The following RDH16 variants were observed in gnomAD, a reference collection of about 807,000 sequenced individuals.
RDH16 encodes human epidermal retinol dehydrogenase.
In RDH16, 25 loss-of-function variants were observed where a neutral mutation model predicts 22.3. The ratio of observed to expected loss-of-function variants is 1.12; its 90% CI spans 0.82 to 1.56. The LOEUF (loss-of-function observed/expected upper bound fraction) is 1.56, where lower values mean the gene tolerates loss of function less well. Among genes scored for constraint, RDH16 ranks in the 40% most tolerant of loss-of-function variants. The pLI, the probability that RDH16 is intolerant of heterozygous loss-of-function variation, is 0.00. For synonymous variants in RDH16, 154 were observed against 164.4 expected (o/e 0.94, Z 0.48); for missense variants, 413 against 394.9 (o/e 1.05, Z -0.39).
chr12:56,952,917 T>C lies in RDH16; in HGVS notation c.646A>G (p.Lys216Glu), dbSNP rs1955896224. Residue 216 changes from lysine (K) to glutamate (E), a missense_variant, in exon 3 of 4, where the codon AAG becomes GAG. By Grantham distance (56) the Lys-to-Glu change is moderately conservative. Transcript: ENST00000398138. ...PGYFKTAVTS[K>E]ERFLKSFLEI... is the part of the protein sequence containing the mutation. ...AGGAAGCTCTTTAAGAATCTCTCCT[T>C]ACTGGTCACAGCAGTCTTGAAATAG... 6.2e-7 allele frequency: 1 copy of C among 1,613,970 alleles called. No homozygotes were observed. The highest frequency in any genetic ancestry group is 1.3e-5 in the African/African-American group (1 of 74,892).
rs370972040 is a variant in RDH16, at chr12:56,957,557, T to C, written c.-95A>G. On this transcript the variant is annotated 5_prime_UTR_variant, in exon 1 of 4. Coordinates refer to ENST00000398138, the MANE Select transcript of RDH16 (RefSeq NM_003708.5). ...GATTTAAGAACACAGAGGGCTGTGG[T>C]AGGCAGGGAAGCCCTCAGGCATTTT... 4.3e-5 allele frequency: 60 copies of C among 1,398,488 alleles called. No homozygotes were observed. In the East Asian group the frequency reaches 1.1e-3, roughly 25 times the overall value. The allele number at this position is 1,398,488 out of a possible 1,614,324, so 86.6% of individuals were successfully genotyped here. A position where few individuals can be genotyped will look rare whatever the true frequency, so the allele number is the denominator to read the frequency against.
intron 1 of RDH16, among the ~76,000 whole-genome samples, chr12:56,956,148 G>A (rs1454529580): frequency 6.6e-6 from 1 of 152,062 alleles, no homozygotes; most frequent in Non-Finnish European, 1.5e-5. Context: ...CCTCCACCCA[G>A]ACATCTCATT....
At chr12:56,952,315 G>T in intron 3 of RDH16, 69 bp from the exon 4 acceptor site, 1 of 1,451,084 alleles carries the variant, frequency 6.9e-7, no homozygotes, top group Non-Finnish European at 9.4e-7. Flanking sequence ...ATTCAACTTA[G>T]AGTGGAAAGG....
In RDH16 at chr12:56,957,235, C is replaced by G. The variant is rs753847694; in HGVS notation, c.228G>C (p.Arg76Ser). ...AEQLRGQTSD[R>S]LETVTLDVTK... ...TAACATCCAGGGTCACCGTCTCCAGCCTGTCTGAAGTCTGGCCCCTCAGCT... is the reference window on the plus strand; with the variant it reads ...TAACATCCAGGGTCACCGTCTCCAGGCTGTCTGAAGTCTGGCCCCTCAGCT... Residue 76 changes from arginine to serine, a missense_variant, in exon 1 of 4, where the codon AGG (arginine) becomes AGC (serine). Physicochemically the swap from Arg to Ser is moderately radical, Grantham distance 110. Transcript: ENST00000398138. 9 of 1,614,194 alleles carry G rather than the reference C, an allele frequency of 5.6e-6. 1 individual carries two copies. The South Asian group carries it at 8.8e-5, about 16-fold the overall frequency.
rs1217866113 is a variant in RDH16, at chr12:56,955,139, A to T, written c.339T>A (p.Ala113=). The T allele has an allele frequency of 6.2e-7, 1 of 1,614,110 alleles. No individual in the cohort carries two copies. Among genetic ancestry groups the T allele is most frequent in the Admixed American group, 1.7e-5 (1 of 60,016 alleles). The part of the protein sequence containing the change: ...DKGLWGLVNN[A]GISLPTAPNE... The stretch of plus-strand genomic sequence containing the variant: ...TGGGAGCCGTGGGCAAGGAGATGCC[A>T]GCATTATTCACCAGGCCCCAGAGTC... Residue 113 remains alanine (A), a synonymous_variant, in exon 2 of 4, where the codon GCT becomes GCA. Transcript: ENST00000398138.
Position 56,952,189 on chromosome 12 carries a change from G to T in RDH16, c.794C>A (p.Thr265Asn). 6.2e-7 allele frequency: 1 copy of T among 1,614,158 alleles called. No individual in the cohort carries two copies. Among genetic ancestry groups the T allele is most frequent in the Non-Finnish European group, 8.5e-7 (1 of 1,180,026 alleles). The change falls in exon 4 of 4, where the codon ACC becomes AAC. Residue 265 changes from threonine to asparagine, a missense_variant. Coordinates refer to ENST00000398138, the MANE Select transcript of RDH16 (RefSeq NM_003708.5). ...QKCTQDLSLV[T>N]NCMEHALIAC... ...AATCAGCGCATGCTCCATGCAGTTG[G>T]TCACCAACGACAGATCCTGTGTGCA...
intron 3 of RDH16, 22 bp from the exon 4 acceptor site, chr12:56,952,268 C>G (rs964988022): frequency 1.9e-6 from 3 of 1,607,976 alleles, no homozygotes; most frequent in Non-Finnish European, 2.6e-6. Flanking sequence ...CAGAAACAAT[C>G]CATGTATATT....
chr12:56,955,208 G>A (rs941857914), intron 1 of RDH16, 44 bp from the exon 2 acceptor site: 2 of 1,608,622 alleles, frequency 1.2e-6, no homozygotes, highest in African/African-American at 1.3e-5. Flanking sequence ...TGTTGTGCCT[G>A]TGCAGGTGGA....
chr12:56,956,990 G>C (rs1312725861), intron 1 of RDH16, among the ~76,000 whole-genome samples, 160 bp downstream of exon 1: 1 of 152,176 alleles, frequency 6.6e-6, no homozygotes, highest in African/African-American at 2.4e-5. Context: ...GGATTGAAAA[G>C]AGATGGGGTT....
intron 1 of RDH16, among the ~76,000 whole-genome samples, chr12:56,955,999 C>T (rs1955925213): frequency 6.6e-6 from 1 of 152,060 alleles, no homozygotes; most frequent in Admixed American, 6.6e-5. Context: ...GTTTTCAACC[C>T]ACAGAGCTAG....
chr12:56,956,463 A>G (rs1955929664), intron 1 of RDH16, among the ~76,000 whole-genome samples: 1 of 152,202 alleles, frequency 6.6e-6, no homozygotes, highest in African/African-American at 2.4e-5. Context: ...GTGGATGACA[A>G]TTTCAGGGAA....
chr12:56,953,162 C>T (rs913301641), intron 2 of RDH16, among the ~76,000 whole-genome samples, 172 bp from the exon 3 acceptor site: 1 of 152,110 alleles, frequency 6.6e-6, no homozygotes, highest in Admixed American at 6.5e-5. Context: ...GGTGGCATTC[C>T]CTCTGTATGG....
In RDH16 at chr12:56,952,711, T is replaced by C. The variant is rs1955892846; in HGVS notation, c.736+116A>G. ...TGGAAATGGGGCTAAAGGTCTCCAC[T>C]CTGTGGGGAAGGGAGAGCCTGGGGA... On this transcript the variant is annotated intron_variant, in intron 3 of 3. Transcript: ENST00000398138. 8.4e-6 allele frequency: 11 copies of C among 1,303,744 alleles called. No individual in the cohort carries two copies. The Admixed American group carries it at 2.1e-4, about 25-fold the overall frequency. 80.8% of individuals were successfully genotyped at this position (1,303,744 alleles called of 1,614,324 possible). A position where few individuals can be genotyped will look rare whatever the true frequency, so the allele number is the denominator to read the frequency against.
chr12:56,952,708 C>A, intron 3 of RDH16, 119 bp downstream of exon 3: 1 of 1,279,218 alleles, frequency 7.8e-7, no homozygotes, highest in East Asian at 2.4e-5. Flanking sequence ...TAAAGGTCTC[C>A]ACTCTGTGGG....
At chr12:56,954,539 C>G (rs1348829303) in intron 2 of RDH16, among the ~76,000 whole-genome samples, 1 of 152,190 alleles carries the variant, frequency 6.6e-6, no homozygotes, top group Non-Finnish European at 1.5e-5. Flanking sequence ...CATTGATACA[C>G]AGTGTTCCCC....
chr12:56,952,001 C>T lies in RDH16; in HGVS notation c.*28G>A. 6.3e-7 allele frequency: 1 copy of T among 1,599,728 alleles called. No individual in the cohort carries two copies. Among genetic ancestry groups the T allele is most frequent in the Non-Finnish European group, 8.6e-7 (1 of 1,167,300 alleles). ...CCACCCCTCATAGCACACCCCAAAT[C>T]CATGCAACCATGCATCCAACCTTAG... On this transcript the variant is annotated 3_prime_UTR_variant, in exon 4 of 4. Coordinates refer to ENST00000398138, the MANE Select transcript of RDH16 (RefSeq NM_003708.5).
At chr12:56,955,434 G>A (rs1248847432) in intron 1 of RDH16, among the ~76,000 whole-genome samples, 1 of 152,154 alleles carries the variant, frequency 6.6e-6, no homozygotes, top group Admixed American at 6.5e-5. Flanking sequence ...TTTAAGGACT[G>A]CATGAAATCA....
intron 2 of RDH16, among the ~76,000 whole-genome samples, chr12:56,954,583 C>G (rs1303249485): frequency 6.6e-6 from 1 of 152,154 alleles, no homozygotes; most frequent in African/African-American, 2.4e-5. Flanking sequence ...TACTGTGTTC[C>G]TCTTGGTAGG....
rs1188861119 is a variant in RDH16 at position 56,952,109 on chromosome 12, G to T, written c.874C>A (p.Leu292Ile). The change falls in exon 4 of 4, where the codon CTC becomes ATC. Residue 292 changes from leucine to isoleucine, a missense_variant. By Grantham distance (5) the Leu-to-Ile change is conservative. Coordinates refer to ENST00000398138, the MANE Select transcript of RDH16 (RefSeq NM_003708.5). The part of the protein sequence containing the change: ...SAGWDAKLLY[L>I]PMSYMPTFLV... Reference sequence around the variant, plus strand: ...AAGGTGGGCATGTAGCTCATGGGGAGGTAGAGAAGCTTGGCATCCCAGCCA... The same window carrying T: ...AAGGTGGGCATGTAGCTCATGGGGATGTAGAGAAGCTTGGCATCCCAGCCA... 2 of 1,614,194 alleles carry T rather than the reference G, an allele frequency of 1.2e-6. No individual in the cohort carries two copies. Among genetic ancestry groups the T allele is most frequent in the Non-Finnish European group, 1.7e-6 (2 of 1,180,042 alleles).
Sources: allele counts gnomAD v4.1 joint callset (sites outside exome capture counted in the v4.1 genomes callset), GRCh38; gene constraint gnomAD v4.1.1; transcripts MANE v1.5; gene names NCBI Gene and HGNC (gene_info 2026-07-23, HGNC 2026-07-21).